OR7C1: variants seen among roughly 807,000 people sequenced by gnomAD.
OR7C1 encodes olfactory receptor family 7 subfamily C member 1.
For synonymous variants in OR7C1, 152 were observed against 160.7 expected, an observed-to-expected ratio of 0.95 and a Z score of 0.41; for missense variants, 324 against 383.3, an observed-to-expected ratio of 0.85 and a Z score of 1.29.
At chr19:14,827,173 A>G in intron 1 of OR7C1, 1 of 1,177,370 alleles carries the variant, frequency 8.5e-7, no homozygotes. Flanking sequence ...AATCACAACA[A>G]ATTGAAACTC....
chr19:14,819,631 G>A (rs1002308312), intron 1 of OR7C1, among the ~76,000 whole-genome samples: 1 of 152,116 alleles, frequency 6.6e-6, no homozygotes, highest in African/African-American at 2.4e-5. Flanking sequence ...TAAAAATAGT[G>A]GTTATCTTTT....
chr19:14,804,217 G>C (rs1237469063), intron 2 of OR7C1, among the ~76,000 whole-genome samples: 2 of 152,176 alleles, frequency 1.3e-5, no homozygotes, highest in African/African-American at 4.8e-5. Context: ...CTGTCTGAAA[G>C]CACATACAGA....
intron 1 of OR7C1, among the ~76,000 whole-genome samples, chr19:14,813,409 G>C (rs1207956534): frequency 6.6e-6 from 1 of 151,774 alleles, no homozygotes; most frequent in Non-Finnish European, 1.5e-5. Flanking sequence ...CAAAAAATTA[G>C]CCAGGCATGG....
At chr19:14,800,362 C>G (rs2044635533) in exon 4 of OR7C1, 1 of 485,708 alleles carries the variant, frequency 2.1e-6, no homozygotes, top group Non-Finnish European at 3.6e-6. Flanking sequence ...CTTGTACCCT[C>G]TATAGCCTGG....
At position 14,828,296 on chromosome 19, in the gene OR7C1, T is replaced by G. The variant is rs1457145148; in HGVS notation, c.-623+6778A>C. 3 of 1,535,542 alleles carry G rather than the reference T, an allele frequency of 2.0e-6. No homozygotes were observed. The Admixed American group carries it at 6.0e-5, about 30-fold the overall frequency. ...GAGAAAGAGGGAAACGAGACAGGCA[T>G]GCATTGCTAACCTTTCAGAAATACC... On this transcript the variant is annotated intron_variant, in intron 1 of 4. Coordinates refer to ENST00000641666, the Ensembl canonical transcript of OR7C1.
chr19:14,799,044 A>G, exon 5 of OR7C1: 5 of 1,217,112 alleles, frequency 4.1e-6, no homozygotes. Flanking sequence ...TACCTAAATA[A>G]TTTCTTTCTA....
chr19:14,810,929 T>C (rs1193512643), intron 1 of OR7C1, among the ~76,000 whole-genome samples: 1 of 151,666 alleles, frequency 6.6e-6, no homozygotes, highest in African/African-American at 2.4e-5. Context: ...TTTCTATGTA[T>C]GTTATTTGGA....
At chr19:14,827,082 A>C in intron 1 of OR7C1, 1 of 454,594 alleles carries the variant, frequency 2.2e-6, no homozygotes, top group Non-Finnish European at 3.6e-6. Flanking sequence ...GTAGGAAAAC[A>C]ACAAAGAGAA....
Position 14,829,001 on chromosome 19 carries a change from A to G in OR7C1, c.-623+6073T>C, listed in dbSNP as rs574544127. ...GGGAACAGGCGCTTGGAAAATAAAC[A>G]AAGCAGGTAAAAAGGAGGGAGGGTA... On this transcript the variant is annotated intron_variant, in intron 1 of 4. Transcript: ENST00000641666. Among the ~76,000 whole-genome samples the G allele has an allele frequency of 1.0e-3, 152 of 152,172 alleles. 2 individuals carry two copies. In the South Asian group the frequency reaches 0.03, roughly 30 times the overall value.
chr19:14,821,610 A>G (rs2044741578), intron 1 of OR7C1: 1 of 152,272 alleles, frequency 6.6e-6, no homozygotes, highest in African/African-American at 2.4e-5. Flanking sequence ...CTGCACATGC[A>G]AATATACACA....
At chr19:14,805,199 G>T (rs950715103) in intron 2 of OR7C1, among the ~76,000 whole-genome samples, 2 of 151,474 alleles carry the variant, frequency 1.3e-5, no homozygotes, top group African/African-American at 4.9e-5. Flanking sequence ...CCCAAAGAAG[G>T]TCCCCAGTCT....
chr19:14,815,789 G>C (rs967973457), intron 1 of OR7C1, among the ~76,000 whole-genome samples: 6 of 142,100 alleles, frequency 4.2e-5, no homozygotes, highest in African/African-American at 1.7e-4. Flanking sequence ...TTGTGCGTGT[G>C]TGTGTGTGTG....
intron 1 of OR7C1, among the ~76,000 whole-genome samples, chr19:14,818,129 C>T (rs2044724862): frequency 6.7e-6 from 1 of 148,356 alleles, no homozygotes; most frequent in Non-Finnish European, 1.5e-5. Flanking sequence ...TCGCTCTGTC[C>T]CCTAGACTGG....
At chr19:14,826,805 C>G (rs1429432494) in intron 1 of OR7C1, 1 of 153,158 alleles carries the variant, frequency 6.5e-6, no homozygotes, top group Non-Finnish European at 1.5e-5. Context: ...GAGGACAACA[C>G]AATCTCATGA....
chr19:14,818,699 C>T (rs2044727791), intron 1 of OR7C1, among the ~76,000 whole-genome samples: 1 of 151,986 alleles, frequency 6.6e-6, no homozygotes, highest in Non-Finnish European at 1.5e-5. Flanking sequence ...TGTTGTTTGC[C>T]ATTTAGTTCT....
chr19:14,817,928 T>C (rs1164478135), intron 1 of OR7C1, among the ~76,000 whole-genome samples: 1 of 152,112 alleles, frequency 6.6e-6, no homozygotes, highest in East Asian at 1.9e-4. Context: ...TGCAGCAAAG[T>C]GAGGGCTTTT....
chr19:14,812,868 G>A (rs780669209), intron 1 of OR7C1, among the ~76,000 whole-genome samples: 42 of 151,414 alleles, frequency 2.8e-4, no homozygotes, highest in African/African-American at 9.9e-4. Flanking sequence ...GTTCAAGACC[G>A]GCCTTGCCAG....
chr19:14,824,075 T>A (rs2145071606), intron 1 of OR7C1, among the ~76,000 whole-genome samples: 1 of 152,296 alleles, frequency 6.6e-6, no homozygotes, highest in East Asian at 1.9e-4. Flanking sequence ...TCCCCAGATT[T>A]TCTAGATAAT....
At chr19:14,814,546 C>T (rs1173307007) in intron 1 of OR7C1, among the ~76,000 whole-genome samples, 2 of 152,092 alleles carry the variant, frequency 1.3e-5, no homozygotes, top group Non-Finnish European at 2.9e-5. Context: ...GCCTCAGTCT[C>T]CTGAGTAGCT....
Sources: gnomAD v4.1 joint callset for allele counts (sites outside exome capture counted in the v4.1 genomes callset) on GRCh38, gnomAD v4.1.1 for gene constraint, MANE v1.5 for transcripts, NCBI Gene and HGNC (gene_info 2026-07-23, HGNC 2026-07-21) for gene names.